PPP1R14C: variants seen among roughly 807,000 people sequenced by gnomAD.
The protein encoded by PPP1R14C is protein phosphatase 1 regulatory subunit 14C.
PPP1R14C carries 16 observed loss-of-function variants against 20.4 expected under a neutral mutation model. That is an observed-to-expected ratio of 0.78 (90% confidence interval 0.53 to 1.19). The LOEUF (loss-of-function observed/expected upper bound fraction) is 1.19, where lower values mean the gene tolerates loss of function less well. PPP1R14C is among the 50% of genes most tolerant of loss of function. The pLI, the probability that PPP1R14C is intolerant of heterozygous loss-of-function variation, is 0.00. For missense variants in PPP1R14C, 211 were observed against 220.1 expected, an observed-to-expected ratio of 0.96 and a Z score of 0.26; for synonymous variants, 91 against 91.0, an observed-to-expected ratio of 1.00 and a Z score of 0.00.
rs1777620606 is a variant in PPP1R14C at position 150,181,467 on chromosome 6, T to G, written c.307-33277T>G. On this transcript the variant is annotated intron_variant, in intron 1 of 3. Coordinates refer to ENST00000361131, the MANE Select transcript of PPP1R14C (RefSeq NM_030949.3). ...AAATTCTAATGATCTGGTAGAACAT[T>G]AAAAAAAGTTCTCGAATATTTAATT... Among the ~76,000 whole-genome samples, 2 of 98,780 alleles carry G rather than the reference T, an allele frequency of 2.0e-5. 1 individual carries two copies. The highest frequency in any genetic ancestry group is 8.0e-4 in the South Asian group (2 of 2,496). 64.8% of individuals were successfully genotyped at this position (98,780 alleles called of 152,430 possible).
intron 1 of PPP1R14C, among the ~76,000 whole-genome samples, chr6:150,174,020 C>CCG (rs1375841083): frequency 1.3e-5 from 2 of 150,598 alleles, no homozygotes; most frequent in East Asian, 3.9e-4. Context: ...CTCCCTCCCC[C>CCG]CCACCCCCGA....
At chr6:150,162,572 C>T (rs1050959035) in intron 1 of PPP1R14C, among the ~76,000 whole-genome samples, 1 of 152,094 alleles carries the variant, frequency 6.6e-6, no homozygotes. Flanking sequence ...ACAAATGTAC[C>T]ACAGTTTATC....
At chr6:150,241,190 C>A (rs1465300745) in intron 3 of PPP1R14C, among the ~76,000 whole-genome samples, 2 of 152,072 alleles carry the variant, frequency 1.3e-5, no homozygotes, top group African/African-American at 4.8e-5. Context: ...TATGATAAAG[C>A]CCACATAAAA....
chr6:150,247,080 G>C (rs888406414), intron 3 of PPP1R14C, among the ~76,000 whole-genome samples: 1 of 151,998 alleles, frequency 6.6e-6, no homozygotes, highest in African/African-American at 2.4e-5. Context: ...AATAAATTTT[G>C]GTGCTAATAT....
At chr6:150,191,910 G>A (rs1777750516) in intron 1 of PPP1R14C, among the ~76,000 whole-genome samples, 1 of 152,188 alleles carries the variant, frequency 6.6e-6, no homozygotes, top group Non-Finnish European at 1.5e-5. Context: ...TCTGAACTGG[G>A]ATTTGAGGTG....
intron 1 of PPP1R14C, among the ~76,000 whole-genome samples, chr6:150,160,253 A>ATTTTTTTTTTTTTTTTTTTT (rs1562257938): frequency 1.7e-5 from 2 of 117,112 alleles, no homozygotes; most frequent in African/African-American, 6.8e-5. Flanking sequence ...TGTGTAGCTC[A>ATTTTTTTTTTTTTTTTTTTT]TTCTTTTTTT....
intron 1 of PPP1R14C, among the ~76,000 whole-genome samples, chr6:150,156,832 C>T (rs570985036): frequency 8.5e-5 from 13 of 152,266 alleles, no homozygotes; most frequent in Admixed American, 2.6e-4. Flanking sequence ...CTTCTTCATG[C>T]GAGATGGTTC....
intron 2 of PPP1R14C, among the ~76,000 whole-genome samples, chr6:150,216,559 C>G (rs549678726): frequency 3.4e-4 from 49 of 142,968 alleles, no homozygotes; most frequent in African/African-American, 1.2e-3. Context: ...GCTATGGTAG[C>G]AAAAAAAAAA....
intron 1 of PPP1R14C, chr6:150,195,031 C>T (rs1431341296): frequency 1.0e-5 from 10 of 984,978 alleles, no homozygotes; most frequent in Non-Finnish European, 1.2e-5. Flanking sequence ...AGAGCAGTTA[C>T]TAGTTATAGC....
intron 1 of PPP1R14C, among the ~76,000 whole-genome samples, chr6:150,187,813 C>G (rs371163877): frequency 1.3e-5 from 2 of 152,176 alleles, no homozygotes; most frequent in African/African-American, 4.8e-5. Context: ...AGGATCTTGA[C>G]AAGATTTACA....
chr6:150,239,771 T>C (rs777552365), intron 3 of PPP1R14C, among the ~76,000 whole-genome samples: 1 of 152,128 alleles, frequency 6.6e-6, no homozygotes, highest in Non-Finnish European at 1.5e-5. Flanking sequence ...AAAAACATGC[T>C]GGGCACAGTG....
Position 150,143,341 on chromosome 6 carries a change from T to G in PPP1R14C, c.149T>G (p.Val50Gly), listed in dbSNP as rs1290655703. 10 of 1,604,032 alleles carry G rather than the reference T, an allele frequency of 6.2e-6. No individual in the cohort carries two copies. The African/African-American group carries it at 1.2e-4, about 20-fold the overall frequency. The change falls in exon 1 of 4, where the codon GTG (valine) becomes GGG (glycine). Residue 50 changes from valine to glycine, a missense_variant. Physicochemically the swap from Val to Gly is moderately radical, Grantham distance 109. Coordinates refer to ENST00000361131, the MANE Select transcript of PPP1R14C (RefSeq NM_030949.3). This position sits in a 1 kb window ranked among gnomAD's most constrained non-coding sequence, Gnocchi z 5.6. ...SGSSREDSAP[V>G]ATAAAAGQVQ... ...TCCTCCCGGGAGGACTCGGCGCCCG[T>G]GGCCACGGCGGCCGCTGCAGGGCAG...
intron 1 of PPP1R14C, among the ~76,000 whole-genome samples, chr6:150,211,105 C>G (rs1456394490): frequency 6.6e-6 from 1 of 152,088 alleles, no homozygotes; most frequent in Non-Finnish European, 1.5e-5. Flanking sequence ...TCCCTGCCTG[C>G]CCCTGGCGGA....
intron 3 of PPP1R14C, among the ~76,000 whole-genome samples, chr6:150,234,175 C>T (rs563911923): frequency 1.3e-5 from 2 of 152,260 alleles, no homozygotes; most frequent in Admixed American, 6.5e-5. Flanking sequence ...AAAACTCCCC[C>T]CAAAATTGTA....
At chr6:150,208,036 CCAGCGCCT>C (rs757897170) in intron 1 of PPP1R14C, among the ~76,000 whole-genome samples, 8 of 152,058 alleles carry the variant, frequency 5.3e-5, no homozygotes, top group Non-Finnish European at 8.8e-5. Flanking sequence ...TTTATAACAA[CCAGCGCCT>C]CATGAGAACC....
At chr6:150,204,291 C>T (rs1229412506) in intron 1 of PPP1R14C, among the ~76,000 whole-genome samples, 1 of 152,244 alleles carries the variant, frequency 6.6e-6, no homozygotes, top group Non-Finnish European at 1.5e-5. Flanking sequence ...GCATTGTTAA[C>T]AACCAGCTGT....
At chr6:150,190,017 G>T (rs561360102) in intron 1 of PPP1R14C, among the ~76,000 whole-genome samples, 2 of 152,122 alleles carry the variant, frequency 1.3e-5, no homozygotes, top group Non-Finnish European at 2.9e-5. Flanking sequence ...GCCTGCCCTT[G>T]ATTCCAACTT....
intron 1 of PPP1R14C, among the ~76,000 whole-genome samples, chr6:150,165,290 C>T (rs1469994190): frequency 1.3e-5 from 2 of 152,244 alleles, no homozygotes; most frequent in East Asian, 1.9e-4. Context: ...GTGGACAGGT[C>T]TGAACTTGCC....
intron 1 of PPP1R14C, among the ~76,000 whole-genome samples, chr6:150,168,150 CTTTTTTT>C (rs1164433647): frequency 2.5e-5 from 2 of 79,116 alleles, no homozygotes; most frequent in Non-Finnish European, 5.0e-5. Flanking sequence ...TACAGCGTCC[CTTTTTTT>C]TTTTTTTTTT....
Sources: allele counts gnomAD v4.1 joint callset (sites outside exome capture counted in the v4.1 genomes callset), GRCh38; gene constraint gnomAD v4.1.1; non-coding constraint Gnocchi (gnomAD v3.1); transcripts MANE v1.5; gene names NCBI Gene and HGNC (gene_info 2026-07-23, HGNC 2026-07-21).